The following DTNBP1 variants were observed in gnomAD, a reference collection of about 807,000 sequenced individuals.
The protein encoded by DTNBP1 is dystrobrevin binding protein 1.
In DTNBP1, 35 loss-of-function variants were observed where a neutral mutation model predicts 42.8. The ratio of observed to expected loss-of-function variants is 0.82; its 90% CI spans 0.63 to 1.09. The LOEUF (loss-of-function observed/expected upper bound fraction) is 1.09. DTNBP1 is among the 50% of genes least tolerant of loss of function. DTNBP1 has a pLI of 0.00. For synonymous variants in DTNBP1, 171 were observed against 162.2 expected (o/e 1.05, Z -0.41); for missense variants, 457 against 424.2 (o/e 1.08, Z -0.68).
In DTNBP1 at chr6:15,568,851, T is replaced by G. The variant is rs576415741; in HGVS notation, c.511+24208A>C. Among the ~76,000 whole-genome samples the G allele has an allele frequency of 3.6e-4, 55 of 152,378 alleles. 1 individual carries two copies. Among genetic ancestry groups the G allele is most frequent in the South Asian group, 4.1e-4 (2 of 4,824 alleles). ...CATGTTAATCAACTGTTTATGTTATTGGTCAGGCTTCCGCTCAATAGTAGG... is the reference window on the plus strand; with the variant it reads ...CATGTTAATCAACTGTTTATGTTATGGGTCAGGCTTCCGCTCAATAGTAGG... On this transcript the variant is annotated intron_variant, in intron 7 of 9. Transcript: ENST00000344537.
chr6:15,606,706 G>GT (rs1430079766), intron 6 of DTNBP1, among the ~76,000 whole-genome samples: 1 of 152,096 alleles, frequency 6.6e-6, no homozygotes, highest in Non-Finnish European at 1.5e-5. Flanking sequence ...TGCAAACATT[G>GT]TTAAAAAAAT....
In DTNBP1 at chr6:15,533,608, C is replaced by T. The variant is rs746948244; in HGVS notation, c.512-213G>A. 31 of 736,006 alleles carry T rather than the reference C, an allele frequency of 4.2e-5. No homozygotes were observed. The Middle Eastern group carries it at 1.6e-3, about 38-fold the overall frequency. The allele number at this position is 736,006 out of a possible 1,614,324, so 45.6% of individuals were successfully genotyped here. On this transcript the variant is annotated intron_variant, in intron 7 of 9. Coordinates refer to ENST00000344537, the MANE Select transcript of DTNBP1 (RefSeq NM_032122.5). ...CCTGGGCGGTCAGGGTCAGGCCCTT[C>T]GTTCCACACCTTTGCATGTGCTGTT... is the stretch of plus-strand genomic sequence containing the variant.
intron 7 of DTNBP1, among the ~76,000 whole-genome samples, chr6:15,573,214 T>C (rs1447622529): frequency 3.9e-5 from 6 of 152,232 alleles, no homozygotes; most frequent in Non-Finnish European, 8.8e-5. Context: ...ATTACAATGA[T>C]CAACATTAGT....
chr6:15,586,047 T>C, intron 7 of DTNBP1: 2 of 1,156,428 alleles, frequency 1.7e-6, no homozygotes, highest in Non-Finnish European at 2.1e-6. Context: ...CCATACCAAA[T>C]GCAGCTCAAA....
chr6:15,572,904 T>A (rs1260409639), intron 7 of DTNBP1, among the ~76,000 whole-genome samples: 1 of 152,118 alleles, frequency 6.6e-6, no homozygotes, highest in Admixed American at 6.6e-5. Context: ...GCTAATTTTT[T>A]AATTATTTGT....
chr6:15,532,173 C>G (rs1172143708), intron 8 of DTNBP1, among the ~76,000 whole-genome samples: 1 of 152,220 alleles, frequency 6.6e-6, no homozygotes, highest in African/African-American at 2.4e-5. Flanking sequence ...GGTCTCCCCG[C>G]TGCCGGGGGT....
chr6:15,603,194 A>G (rs1352991821), intron 6 of DTNBP1, among the ~76,000 whole-genome samples: 1 of 152,256 alleles, frequency 6.6e-6, no homozygotes, highest in African/African-American at 2.4e-5. Flanking sequence ...AGGTGTGATT[A>G]CACATTTATG....
At chr6:15,585,397 AAT>A (rs1005698755) in intron 7 of DTNBP1, among the ~76,000 whole-genome samples, 7 of 151,900 alleles carry the variant, frequency 4.6e-5, no homozygotes, top group African/African-American at 1.7e-4. Flanking sequence ...CTTCATAAAA[AAT>A]GTCAGTTTGA....
chr6:15,549,320 A>T (rs1176742702), intron 7 of DTNBP1, among the ~76,000 whole-genome samples: 3 of 151,812 alleles, frequency 2.0e-5, no homozygotes, highest in Admixed American at 6.6e-5. Flanking sequence ...CCCTGTCTCT[A>T]CTAAAAATAC....
chr6:15,541,808 A>T (rs1005904501), intron 7 of DTNBP1, among the ~76,000 whole-genome samples: 4 of 152,014 alleles, frequency 2.6e-5, no homozygotes, highest in African/African-American at 9.7e-5. Context: ...ATATGAAATT[A>T]AAAAAAACCA....
intron 7 of DTNBP1, 26 bp downstream of exon 7, chr6:15,593,033 A>C: frequency 1.3e-6 from 2 of 1,580,758 alleles, no homozygotes; most frequent in South Asian, 2.3e-5. Flanking sequence ...CAACTACTTT[A>C]AAGTGAAGAA....
chr6:15,554,267 G>A (rs1453931086), intron 7 of DTNBP1, among the ~76,000 whole-genome samples: 1 of 151,890 alleles, frequency 6.6e-6, no homozygotes, highest in Non-Finnish European at 1.5e-5. Context: ...CTTATTATTT[G>A]AGATAGAGTC....
chr6:15,593,556 A>G (rs545163280), intron 6 of DTNBP1, among the ~76,000 whole-genome samples: 1 of 152,368 alleles, frequency 6.6e-6, no homozygotes, highest in East Asian at 1.9e-4. Flanking sequence ...AAAGGGGGAA[A>G]GTGCATATCA....
At chr6:15,619,025 G>A (rs1001482631) in intron 5 of DTNBP1, among the ~76,000 whole-genome samples, 2 of 152,158 alleles carry the variant, frequency 1.3e-5, no homozygotes, top group African/African-American at 2.4e-5. Flanking sequence ...AGCTAAAAAC[G>A]TTGATCCCAG....
intron 3 of DTNBP1, among the ~76,000 whole-genome samples, chr6:15,649,379 T>C (rs1197985979): frequency 6.6e-6 from 1 of 152,164 alleles, no homozygotes; most frequent in Non-Finnish European, 1.5e-5. Flanking sequence ...TTGAAAACAT[T>C]ATGCTAAATG....
At chr6:15,632,847 T>C (rs1759768371) in intron 4 of DTNBP1, among the ~76,000 whole-genome samples, 1 of 152,234 alleles carries the variant, frequency 6.6e-6, no homozygotes, top group Non-Finnish European at 1.5e-5. Context: ...CATTGCTGGA[T>C]TTGGTTTGCC....
In DTNBP1 at chr6:15,561,147, G is replaced by A. The variant is rs531850579; in HGVS notation, c.512-27752C>T. On this transcript the variant is annotated intron_variant, in intron 7 of 9. Transcript: ENST00000344537. ...ATTTAGACTGACCCAGCTTATTCCTGTGAACCAACCAGTGACCTCTGGATG... is the reference window on the plus strand; with the variant it reads ...ATTTAGACTGACCCAGCTTATTCCTATGAACCAACCAGTGACCTCTGGATG... Among the ~76,000 whole-genome samples, 4 of 152,258 alleles carry A rather than the reference G, an allele frequency of 2.6e-5. No individual in the cohort carries two copies. The South Asian group carries it at 8.3e-4, about 32-fold the overall frequency.
intron 7 of DTNBP1, among the ~76,000 whole-genome samples, chr6:15,572,039 G>A (rs1775360639): frequency 6.6e-6 from 1 of 152,120 alleles, no homozygotes; most frequent in South Asian, 2.1e-4. Flanking sequence ...TAAAGAAAGT[G>A]ACACCCTGTG....
At chr6:15,648,514 C>A (rs1760808831) in intron 3 of DTNBP1, among the ~76,000 whole-genome samples, 1 of 151,852 alleles carries the variant, frequency 6.6e-6, no homozygotes, top group Non-Finnish European at 1.5e-5. Context: ...AAGTTCCACA[C>A]AAAAAACTAT....
Sources: allele counts gnomAD v4.1 joint callset (sites outside exome capture counted in the v4.1 genomes callset), GRCh38; gene constraint gnomAD v4.1.1; transcripts MANE v1.5; gene names NCBI Gene and HGNC (gene_info 2026-07-23, HGNC 2026-07-21).